CNTN6: variants seen among roughly 807,000 people sequenced by gnomAD.
CNTN6 encodes the protein contactin 6, also known as contactin-6.
CNTN6 carries 137 observed loss-of-function variants against 122.8 expected under a neutral mutation model. That is an observed-to-expected ratio of 1.12 (90% CI 0.97 to 1.29). The LOEUF is 1.29. Ranked by LOEUF, CNTN6 falls within the 50% of genes most tolerant of loss-of-function variation. The pLI, the probability that CNTN6 is intolerant of heterozygous loss-of-function variation, is 0.00. For missense variants in CNTN6, 1,634 were observed against 1,223.4 expected (o/e 1.34, Z -5.01); for synonymous variants, 570 against 426.0 (o/e 1.34, Z -4.16).
At chr3:1,358,723 C>G (rs1196806858) in intron 12 of CNTN6, among the ~76,000 whole-genome samples, 1 of 151,900 alleles carries the variant, frequency 6.6e-6, no homozygotes, top group Non-Finnish European at 1.5e-5. Flanking sequence ...AAGAAAATAT[C>G]ATTTGTATTA....
chr3:1,148,193 A>G lies in CNTN6; in HGVS notation c.55+130A>G, dbSNP rs1188757421. The G allele has an allele frequency of 5.9e-6, 4 of 679,358 alleles. No homozygotes were observed. The East Asian group carries it at 1.1e-4, about 19-fold the overall frequency. 42.1% of individuals were successfully genotyped at this position (679,358 alleles called of 1,614,324 possible). A position where few individuals can be genotyped will look rare whatever the true frequency, so the allele number is the denominator to read the frequency against. ...GAATGACTAAGTGATAATGTTTTGAAGGTAACTTCTATGACTCAGACAGGG... is the reference window on the plus strand; with the variant it reads ...GAATGACTAAGTGATAATGTTTTGAGGGTAACTTCTATGACTCAGACAGGG... On this transcript the variant is annotated intron_variant, in intron 2 of 22. Transcript: ENST00000446702.
chr3:1,343,442 A>C (rs191924080), intron 11 of CNTN6, among the ~76,000 whole-genome samples: 72 of 152,278 alleles, frequency 4.7e-4, no homozygotes, highest in African/African-American at 1.4e-3. Context: ...CACATTGTTT[A>C]TAAGTATAAA....
At chr3:1,122,397 A>AAGGAAGGGAGGGAGGAAT (rs1559353504) in intron 1 of CNTN6, among the ~76,000 whole-genome samples, 74 of 132,448 alleles carry the variant, frequency 5.6e-4, no homozygotes, top group African/African-American at 1.9e-3. Flanking sequence ...GAAGGAGGAA[A>AAGGAAGGGAGGGAGGAAT]GAAGGGGTTC....
intron 4 of CNTN6, among the ~76,000 whole-genome samples, chr3:1,241,492 A>G (rs1244574229): frequency 2.6e-5 from 4 of 152,044 alleles, no homozygotes; most frequent in Non-Finnish European, 5.9e-5. Flanking sequence ...TGGCCTGGAT[A>G]TGGTTTTGGA....
At chr3:1,325,082 A>G (rs1701347311) in intron 8 of CNTN6, among the ~76,000 whole-genome samples, 1 of 151,810 alleles carries the variant, frequency 6.6e-6, no homozygotes, top group Non-Finnish European at 1.5e-5. Flanking sequence ...GAAAACATTT[A>G]ATTTCCAACC....
rs368998541 is a variant in CNTN6, at chr3:1,246,616, C to T, written c.358+18623C>T. Among the ~76,000 whole-genome samples the T allele has an allele frequency of 3.3e-5, 5 of 152,106 alleles. No individual in the cohort carries two copies. In the South Asian group the frequency reaches 8.3e-4, roughly 25 times the overall value. Reference sequence around the variant, plus strand: ...TTAAAAGATAACACCAAATTGTTGTCTATAGTGATTTTATTAATTTGTACT... The same window carrying T: ...TTAAAAGATAACACCAAATTGTTGTTTATAGTGATTTTATTAATTTGTACT... On this transcript the variant is annotated intron_variant, in intron 4 of 22. Coordinates refer to ENST00000446702, the MANE Select transcript of CNTN6 (RefSeq NM_001289080.2).
chr3:1,230,685 A>T (rs1305242454), intron 4 of CNTN6, among the ~76,000 whole-genome samples: 3 of 152,162 alleles, frequency 2.0e-5, no homozygotes, highest in Non-Finnish European at 4.4e-5. Flanking sequence ...AGGCTCACTG[A>T]TATTGGGGCT....
chr3:1,272,703 T>G lies in CNTN6; in HGVS notation c.359-5710T>G, dbSNP rs199563825. Among the ~76,000 whole-genome samples the G allele has an allele frequency of 5.9e-5, 9 of 152,228 alleles. No individual in the cohort carries two copies. In the East Asian group the frequency reaches 1.7e-3, roughly 30 times the overall value. Reference sequence around the variant, plus strand: ...GGTACCCATAGCCTTCCTTCAAGCTTATGAGACTTGGCAAACCACTGGCCT... The same window carrying G: ...GGTACCCATAGCCTTCCTTCAAGCTGATGAGACTTGGCAAACCACTGGCCT... On this transcript the variant is annotated intron_variant, in intron 4 of 22. Coordinates refer to ENST00000446702, the MANE Select transcript of CNTN6 (RefSeq NM_001289080.2).
intron 5 of CNTN6, among the ~76,000 whole-genome samples, chr3:1,280,823 C>G (rs913238099): frequency 3.3e-5 from 5 of 152,034 alleles, no homozygotes; most frequent in African/African-American, 1.2e-4. Flanking sequence ...TATTTGTCGG[C>G]TGAATCATGT....
intron 2 of CNTN6, among the ~76,000 whole-genome samples, chr3:1,185,375 G>T (rs1314451426): frequency 6.6e-6 from 1 of 152,128 alleles, no homozygotes; most frequent in East Asian, 1.9e-4. Context: ...AAAAAATAGT[G>T]CAAAATATTC....
intron 2 of CNTN6, among the ~76,000 whole-genome samples, chr3:1,196,581 T>C (rs2093782045): frequency 6.6e-6 from 1 of 152,288 alleles, no homozygotes; most frequent in Admixed American, 6.5e-5. Context: ...GAGGGTTAAC[T>C]GACATTATAA....
At chr3:1,106,071 G>T (rs2091205568) in intron 1 of CNTN6, among the ~76,000 whole-genome samples, 1 of 152,088 alleles carries the variant, frequency 6.6e-6, no homozygotes, top group South Asian at 2.1e-4. Context: ...CCTGTGTTTT[G>T]GAGGTAATCT....
intron 14 of CNTN6, 107 bp downstream of exon 14, chr3:1,373,062 T>C (rs1477072236): frequency 3.0e-6 from 2 of 668,350 alleles, no homozygotes; most frequent in African/African-American, 1.8e-5. Flanking sequence ...GGAAGTGAGA[T>C]GTAATCAGAT....
chr3:1,298,146 C>A, intron 7 of CNTN6, 155 bp downstream of exon 7: 1 of 596,924 alleles, frequency 1.7e-6, no homozygotes, highest in Non-Finnish European at 2.9e-6. Context: ...TTTAAACAAA[C>A]ATGTCTAATA....
At chr3:1,327,737 A>T (rs1447659268) in intron 10 of CNTN6, 151 bp downstream of exon 10, 11 of 872,470 alleles carry the variant, frequency 1.3e-5, no homozygotes, top group African/African-American at 6.9e-5. Context: ...ACAAAATTCA[A>T]GGTGGTAATT....
At chr3:1,196,125 A>T (rs2093774215) in intron 2 of CNTN6, among the ~76,000 whole-genome samples, 1 of 152,230 alleles carries the variant, frequency 6.6e-6, no homozygotes, top group African/African-American at 2.4e-5. Flanking sequence ...TTGGTGACTG[A>T]ATCAGAAAGA....
chr3:1,307,331 T>C (rs425279), intron 7 of CNTN6, among the ~76,000 whole-genome samples: 42,026 of 152,034 alleles, frequency 0.28, 8,963 homozygotes, highest in African/African-American at 0.6. Context: ...TATTTAAGGG[T>C]TTCTTGTATT....
chr3:1,392,182 A>G (rs1352313175), intron 20 of CNTN6, among the ~76,000 whole-genome samples: 2 of 152,278 alleles, frequency 1.3e-5, no homozygotes, highest in Non-Finnish European at 2.9e-5. Flanking sequence ...TAACCAAAAC[A>G]GCATGGTACT....
intron 5 of CNTN6, among the ~76,000 whole-genome samples, chr3:1,290,882 C>G (rs1252672104): frequency 1.3e-5 from 2 of 152,160 alleles, no homozygotes; most frequent in African/African-American, 4.8e-5. Context: ...TAGCTGGCTT[C>G]TTTACTGAAT....
Sources: gnomAD v4.1 joint callset for allele counts (sites outside exome capture counted in the v4.1 genomes callset) on GRCh38, gnomAD v4.1.1 for gene constraint, MANE v1.5 for transcripts, NCBI Gene and HGNC (gene_info 2026-07-23, HGNC 2026-07-21) for gene names.